The following WNT7B variants were observed in gnomAD, a reference collection of about 807,000 sequenced individuals.
WNT7B encodes protein Wnt-7b.
Under a neutral mutation model 38.2 loss-of-function variants are expected in WNT7B, and 19 were observed. That is an observed-to-expected ratio of 0.50 (90% CI 0.35 to 0.73). WNT7B has a LOEUF of 0.73. WNT7B is among the 30% of genes least tolerant of loss of function. The probability of loss-of-function intolerance (pLI) is 0.01; values close to 1 mark genes in which losing one functional copy is unlikely to be tolerated. For synonymous variants in WNT7B, 243 were observed against 209.3 expected (o/e 1.16, Z -1.39); for missense variants, 423 against 507.9 (o/e 0.83, Z 1.61).
At chr22:45,927,431 C>G in intron 3 of WNT7B, 1 of 1,543,944 alleles carries the variant, frequency 6.5e-7, no homozygotes, top group Non-Finnish European at 8.7e-7. Context: ...GGGCCACATG[C>G]CAGCTAGGGG....
intron 1 of WNT7B, among the ~76,000 whole-genome samples, chr22:45,953,363 C>T (rs909621847): frequency 2.6e-5 from 4 of 152,216 alleles, no homozygotes; most frequent in Admixed American, 6.5e-5. Context: ...TCACAGCCAC[C>T]GTGTCCATGC....
intron 1 of WNT7B, among the ~76,000 whole-genome samples, chr22:45,973,597 A>T (rs546385311): frequency 6.6e-6 from 1 of 152,270 alleles, no homozygotes; most frequent in East Asian, 1.9e-4. Flanking sequence ...GTGAGCAGAG[A>T]GTGTCCAGAC....
At chr22:45,925,771 C>T (rs939126412) in intron 3 of WNT7B, 16 of 985,302 alleles carry the variant, frequency 1.6e-5, no homozygotes, top group East Asian at 2.3e-4. Context: ...TGGCCCCTCT[C>T]GGAGTTCCCA....
At chr22:45,938,596 C>A (rs1931568898) in intron 2 of WNT7B, among the ~76,000 whole-genome samples, 1 of 151,898 alleles carries the variant, frequency 6.6e-6, no homozygotes, top group Non-Finnish European at 1.5e-5. Flanking sequence ...CAAGATCTCA[C>A]CACTGCACTC....
chr22:45,960,022 G>T (rs945266412), intron 1 of WNT7B, among the ~76,000 whole-genome samples: 2 of 152,132 alleles, frequency 1.3e-5, no homozygotes, highest in Non-Finnish European at 2.9e-5. Context: ...GATCAGAAAG[G>T]CTTTCCCCAG....
At chr22:45,935,897 G>A (rs1287925148) in intron 2 of WNT7B, 4 of 985,344 alleles carry the variant, frequency 4.1e-6, no homozygotes, top group East Asian at 1.1e-4. Context: ...AGGGCAGCAC[G>A]GATGCTCTGT....
chr22:45,929,495 C>T (rs375418110), intron 3 of WNT7B, among the ~76,000 whole-genome samples: 40 of 73,492 alleles, frequency 5.4e-4, no homozygotes, highest in African/African-American at 2.4e-3. Flanking sequence ...CATCCACCCA[C>T]CCACCCACCC....
chr22:45,954,860 T>A, intron 1 of WNT7B: 6 of 669,374 alleles, frequency 9.0e-6, no homozygotes, highest in Non-Finnish European at 9.2e-6. Context: ...ATCCTCACCT[T>A]GCTAGGTGAG....
intron 3 of WNT7B, among the ~76,000 whole-genome samples, chr22:45,929,926 A>C (rs778414533): frequency 8.4e-5 from 12 of 143,136 alleles, no homozygotes; most frequent in Non-Finnish European, 1.7e-4. Flanking sequence ...CTATCCTCCC[A>C]TCCACCCACT....
At position 45,926,933 on chromosome 22, in the gene WNT7B, G is replaced by C. The variant is rs992832458; in HGVS notation, c.571-3598C>G. 4 of 985,342 alleles carry C rather than the reference G, an allele frequency of 4.1e-6. No homozygotes were observed. In the African/African-American group the frequency reaches 7.0e-5, roughly 17 times the overall value. 61.0% of individuals were successfully genotyped at this position (985,342 alleles called of 1,614,324 possible). On this transcript the variant is annotated intron_variant, in intron 3 of 3. Transcript: ENST00000339464. Reference sequence around the variant, plus strand: ...CAGGACGCTGTGGACCCTCAGTCAGGGAAGGGCTGTGCCAAGACGTGGGAC... The same window carrying C: ...CAGGACGCTGTGGACCCTCAGTCAGCGAAGGGCTGTGCCAAGACGTGGGAC...
At chr22:45,946,946 C>G (rs1026039422) in intron 2 of WNT7B, among the ~76,000 whole-genome samples, 2 of 152,258 alleles carry the variant, frequency 1.3e-5, no homozygotes, top group African/African-American at 4.8e-5. Flanking sequence ...AGCCCCTTCT[C>G]AGGGCCAATC....
intron 1 of WNT7B, chr22:45,954,692 T>C (rs1434183613): frequency 3.2e-5 from 32 of 985,212 alleles, no homozygotes; most frequent in Non-Finnish European, 3.7e-5. Flanking sequence ...GCCAGGAGTA[T>C]AAATAGTTAG....
intron 2 of WNT7B, among the ~76,000 whole-genome samples, chr22:45,934,095 G>C (rs185666833): frequency 1.3e-5 from 2 of 152,386 alleles, no homozygotes; most frequent in East Asian, 3.9e-4. Context: ...ACGTTAGGAT[G>C]AGGCGCGTCC....
intron 3 of WNT7B, chr22:45,925,520 G>C (rs189820139): frequency 2.0e-6 from 2 of 985,246 alleles, no homozygotes; most frequent in African/African-American, 1.7e-5. Flanking sequence ...CCAGAGCCTG[G>C]ACTGCGTGTC....
intron 3 of WNT7B, chr22:45,927,140 TCTGCCCTGCTGACCTGC>T: frequency 1.0e-6 from 1 of 984,484 alleles, no homozygotes; most frequent in Non-Finnish European, 1.2e-6. Flanking sequence ...ATGGCCTCTG[TCTGCCCTGCTGACCTGC>T]CTGCCCCACG....
intron 1 of WNT7B, among the ~76,000 whole-genome samples, chr22:45,971,072 G>A (rs1406132549): frequency 6.6e-6 from 1 of 152,188 alleles, no homozygotes; most frequent in East Asian, 1.9e-4. Context: ...TAATTTCCTA[G>A]GAGCAAGAGG....
chr22:45,937,164 C>A (rs566599167), intron 2 of WNT7B, among the ~76,000 whole-genome samples: 1 of 152,204 alleles, frequency 6.6e-6, no homozygotes, highest in South Asian at 2.1e-4. Context: ...GAGCCTGAGG[C>A]CCAGAGGTGG....
intron 1 of WNT7B, among the ~76,000 whole-genome samples, chr22:45,953,779 G>A (rs1931994759): frequency 6.6e-6 from 1 of 151,774 alleles, no homozygotes; most frequent in Non-Finnish European, 1.5e-5. Context: ...TGTTGCCAAG[G>A]ATGTGGAGAA....
rs563892087 is a variant in WNT7B, at chr22:45,962,038, G to T, written c.72-11892C>A. On this transcript the variant is annotated intron_variant, in intron 1 of 3. Transcript: ENST00000339464. The stretch of plus-strand genomic sequence containing the variant: ...AGGGAAGGGAGCAGAGCGTCCGCTT[G>T]CTCCCTCGCGCCCCCGGCGGGCGGC... Among the ~76,000 whole-genome samples the T allele has an allele frequency of 5.0e-3, 761 of 152,332 alleles. 9 individuals carry two copies. The highest frequency in any genetic ancestry group is 6.7e-3 in the Non-Finnish European group (459 of 68,026).
Sources: allele counts gnomAD v4.1 joint callset (sites outside exome capture counted in the v4.1 genomes callset), GRCh38; gene constraint gnomAD v4.1.1; transcripts MANE v1.5; gene names NCBI Gene and HGNC (gene_info 2026-07-23, HGNC 2026-07-21).